GALNT14: variants seen among roughly 807,000 people sequenced by gnomAD.
GALNT14 encodes the protein polypeptide N-acetylgalactosaminyltransferase 14, also known as UDP-GalNAc:polypeptide N-acetylgalactosaminyltransferase 14.
A neutral mutation model predicts 77.5 loss-of-function variants in GALNT14; 60 were observed. The ratio of observed to expected loss-of-function variants is 0.77; its 90% confidence interval spans 0.63 to 0.96. The LOEUF is 0.96. Among genes scored for constraint, GALNT14 ranks in the 40% least tolerant of loss-of-function variants. The probability of loss-of-function intolerance (pLI) is 0.00; values close to 1 mark genes in which losing one functional copy is unlikely to be tolerated. For missense variants in GALNT14, 710 were observed against 731.0 expected (o/e 0.97, Z 0.33); for synonymous variants, 280 against 281.7 (o/e 0.99, Z 0.06).
intron 6 of GALNT14, among the ~76,000 whole-genome samples, chr2:30,952,941 TA>T (rs1320901072): frequency 6.6e-6 from 1 of 152,106 alleles, no homozygotes; most frequent in Non-Finnish European, 1.5e-5. Flanking sequence ...AAATCCACTT[TA>T]AAAATATGAC....
intron 1 of GALNT14, among the ~76,000 whole-genome samples, chr2:31,085,728 A>C (rs6543599): frequency 0.62 from 94,979 of 152,184 alleles, 30,842 homozygotes; most frequent in African/African-American, 0.82. Context: ...TGAACTGATG[A>C]TCAGTTATTT....
chr2:30,893,814 A>G, the GALNT14 span, among the ~76,000 whole-genome samples: 8 of 152,148 alleles, frequency 5.3e-5, no homozygotes, highest in African/African-American at 1.9e-4. Context: ...TAAAGAGACC[A>G]AGCTAGCTGG....
chr2:31,105,272 G>A (rs192603732), intron 1 of GALNT14, among the ~76,000 whole-genome samples: 102 of 152,266 alleles, frequency 6.7e-4, no homozygotes, highest in African/African-American at 2.2e-3. Context: ...ATTGGTCAGT[G>A]GAAAGTCCTT....
chr2:30,972,242 G>A (rs555881490), intron 2 of GALNT14, among the ~76,000 whole-genome samples: 107 of 152,182 alleles, frequency 7.0e-4, no homozygotes, highest in Non-Finnish European at 9.3e-4. Flanking sequence ...CAATGGCTCC[G>A]AATCTTAAAG....
chr2:30,982,000 T>C (rs568651294), intron 2 of GALNT14, among the ~76,000 whole-genome samples: 1 of 152,274 alleles, frequency 6.6e-6, no homozygotes, highest in Admixed American at 6.5e-5. Flanking sequence ...GGCAGGTTAC[T>C]GAGGGGGGAA....
intron 1 of GALNT14, among the ~76,000 whole-genome samples, chr2:31,067,286 C>A (rs2148555044): frequency 6.6e-6 from 1 of 152,292 alleles, no homozygotes. Flanking sequence ...TCCAGCCATG[C>A]AGTGAGCCCA....
At chr2:31,054,032 T>C (rs995958511) in intron 1 of GALNT14, among the ~76,000 whole-genome samples, 1 of 152,218 alleles carries the variant, frequency 6.6e-6, no homozygotes, top group Middle Eastern at 3.2e-3. Context: ...CACTCAGGCA[T>C]GCCTCCTCTG....
chr2:30,969,756 TG>T (rs1382227287), intron 2 of GALNT14, among the ~76,000 whole-genome samples: 1 of 152,176 alleles, frequency 6.6e-6, no homozygotes, highest in Non-Finnish European at 1.5e-5. Context: ...ACTGACCAGC[TG>T]TGGGTACGTG....
At chr2:30,942,418 C>T (rs1666431409) in intron 8 of GALNT14, 114 bp from the exon 9 acceptor site, 3 of 716,284 alleles carry the variant, frequency 4.2e-6, no homozygotes, top group East Asian at 5.4e-5. Context: ...AAGAAAACCC[C>T]ATTGAGGGAA....
At chr2:31,047,743 C>T (rs1673558635) in intron 1 of GALNT14, among the ~76,000 whole-genome samples, 1 of 152,122 alleles carries the variant, frequency 6.6e-6, no homozygotes, top group Admixed American at 6.5e-5. Context: ...TGAGCCATAC[C>T]CAGGATGTAC....
At chr2:30,899,192 G>A in the GALNT14 span, among the ~76,000 whole-genome samples, 4 of 152,196 alleles carry the variant, frequency 2.6e-5, no homozygotes, top group African/African-American at 4.8e-5. Context: ...GAATGGAGGC[G>A]GGAACCCATT....
intron 1 of GALNT14, among the ~76,000 whole-genome samples, chr2:31,031,853 G>C (rs530391426): frequency 2.0e-5 from 3 of 152,284 alleles, no homozygotes; most frequent in African/African-American, 7.2e-5. Context: ...AGAGGGGCAA[G>C]AGCATGGCTG....
rs549427963 is a variant in GALNT14, at chr2:30,994,446, T to C, written c.130-1439A>G. Among the ~76,000 whole-genome samples, 320 of 152,320 alleles carry C rather than the reference T, an allele frequency of 2.1e-3. 2 individuals are homozygous for C. The highest frequency in any genetic ancestry group is 7.5e-3 in the African/African-American group (310 of 41,582). ...TCATCTGGGCACCATGGTGAGCTTA[T>C]CCAGTAATTGATCTCTCTCTCTCTG... On this transcript the variant is annotated intron_variant, in intron 1 of 14. Coordinates refer to ENST00000349752, the MANE Select transcript of GALNT14 (RefSeq NM_024572.4).
At chr2:30,952,643 G>C (rs1012872299) in intron 6 of GALNT14, among the ~76,000 whole-genome samples, 34 of 148,756 alleles carry the variant, frequency 2.3e-4, no homozygotes, top group African/African-American at 7.7e-4. Flanking sequence ...ATAGCATCGG[G>C]AGATATACCT....
At chr2:31,057,391 T>C (rs1447853644) in intron 1 of GALNT14, among the ~76,000 whole-genome samples, 12 of 141,644 alleles carry the variant, frequency 8.5e-5, no homozygotes, top group South Asian at 4.4e-4. Flanking sequence ...TATATATATA[T>C]ATACACAGCT....
rs1051093630 is a variant in GALNT14, at chr2:31,105,719, T to C, written c.129+32239A>G. ...CAGTCTGAGTGACAGAACAAGACCC[T>C]GTCTCAAAAAAAAAAGAAAAAGAAA... is the stretch of plus-strand genomic sequence containing the variant. On this transcript the variant is annotated intron_variant, in intron 1 of 14. Coordinates refer to ENST00000349752, the MANE Select transcript of GALNT14 (RefSeq NM_024572.4). Among the ~76,000 whole-genome samples, 9 of 151,518 alleles carry C rather than the reference T, an allele frequency of 5.9e-5. No individual in the cohort carries two copies. In the South Asian group the frequency reaches 6.3e-4, roughly 11 times the overall value.
chr2:30,907,138 C>T (rs924363856), downstream of GALNT14, among the ~76,000 whole-genome samples: 13 of 152,058 alleles, frequency 8.5e-5, no homozygotes, highest in African/African-American at 3.1e-4. Context: ...CCTAACATCA[C>T]AATTAAAAGA....
At chr2:31,018,854 G>GT (rs1671544309) in intron 1 of GALNT14, among the ~76,000 whole-genome samples, 2 of 152,152 alleles carry the variant, frequency 1.3e-5, no homozygotes, top group Admixed American at 6.5e-5. Context: ...CAGCAGCTGT[G>GT]TGGTGGGGCC....
intron 1 of GALNT14, among the ~76,000 whole-genome samples, chr2:31,033,822 T>G (rs1001729132): frequency 3.9e-5 from 6 of 152,192 alleles, no homozygotes; most frequent in East Asian, 3.8e-4. Context: ...TCCCATGTTT[T>G]CAGCTGCCCA....
Sources: allele counts gnomAD v4.1 joint callset (sites outside exome capture counted in the v4.1 genomes callset), GRCh38; gene constraint gnomAD v4.1.1; transcripts MANE v1.5; gene names NCBI Gene and HGNC (gene_info 2026-07-23, HGNC 2026-07-21).